Variants in LZTS1 observed in about 807,000 individuals in gnomAD.
LZTS1 encodes leucine zipper tumor suppressor 1, also known as leucine zipper putative tumor suppressor 1.
In LZTS1, 31 loss-of-function variants were observed where a neutral mutation model predicts 45.8. The ratio of observed to expected loss-of-function variants is 0.68; its 90% confidence interval spans 0.51 to 0.91. The LOEUF is 0.91. LZTS1 is among the 40% of genes least tolerant of loss of function. The pLI, the probability that LZTS1 is intolerant of heterozygous loss-of-function variation, is 0.00. For synonymous variants in LZTS1, 359 were observed against 357.3 expected, an observed-to-expected ratio of 1.00 and a Z score of -0.05; for missense variants, 821 against 788.9, an observed-to-expected ratio of 1.04 and a Z score of -0.49.
chr8:20,301,660 C>T (rs1013640005), intron 1 of LZTS1, among the ~76,000 whole-genome samples: 3 of 152,098 alleles, frequency 2.0e-5, no homozygotes, highest in African/African-American at 4.8e-5. Context: ...TATAGCTTTG[C>T]TATACACGCT....
At chr8:20,255,593 G>A (rs115253790) in intron 1 of LZTS1, among the ~76,000 whole-genome samples, 2,445 of 152,292 alleles carry the variant, frequency 0.016, 70 homozygotes, top group African/African-American at 0.056. Flanking sequence ...TTACAGTGGT[G>A]TGGAGAGGCC....
chr8:20,301,062 G>A (rs561955993), intron 1 of LZTS1, among the ~76,000 whole-genome samples: 22 of 151,106 alleles, frequency 1.5e-4, no homozygotes, highest in African/African-American at 5.1e-4. Flanking sequence ...TGGAGGTTGC[G>A]GTGAGCCAAG....
chr8:20,299,897 CGT>C (rs1403210224), intron 1 of LZTS1, among the ~76,000 whole-genome samples: 2 of 152,216 alleles, frequency 1.3e-5, no homozygotes, highest in African/African-American at 4.8e-5. Flanking sequence ...AGATTCCCCA[CGT>C]AGTTGGATAC....
chr8:20,277,055 T>A (rs117082051), intron 1 of LZTS1, among the ~76,000 whole-genome samples: 4,080 of 152,254 alleles, frequency 0.027, 70 homozygotes, highest in Non-Finnish European at 0.043. Flanking sequence ...AGTCACAGGA[T>A]GAGACAGGAA....
chr8:20,282,473 A>G (rs922367896), intron 1 of LZTS1, among the ~76,000 whole-genome samples: 5 of 152,262 alleles, frequency 3.3e-5, no homozygotes, highest in Admixed American at 3.3e-4. Flanking sequence ...CCAAAAAAGC[A>G]TAGGCTCTAA....
chr8:20,280,303 C>T (rs1800662393), intron 1 of LZTS1, among the ~76,000 whole-genome samples: 3 of 152,190 alleles, frequency 2.0e-5, no homozygotes, highest in Admixed American at 6.5e-5. Flanking sequence ...TGGCTCTTCC[C>T]GCAGCCTGGC....
rs1800002969 is a variant in LZTS1, at chr8:20,253,448, C to G, written c.483G>C (p.Glu161Asp). 6.2e-7 allele frequency: 1 copy of G among 1,611,192 alleles called. No homozygotes were observed. Among genetic ancestry groups the G allele is most frequent in the African/African-American group, 1.3e-5 (1 of 74,928 alleles). ...CCCCAGAGCACAGGCCAGGCTTCAG[C>G]TCCTGCTCCTTGGGCTTGTCTGGAG... is the stretch of plus-strand genomic sequence containing the variant. The part of the protein sequence containing the change: ...PAPPDKPKEQ[E>D]LKPGLCSGAL... The change falls in exon 3 of 4, where the codon GAG becomes GAC. Residue 161 changes from glutamate (E) to aspartate (D), a missense_variant. Glu to Asp is a conservative substitution (Grantham distance 45). Transcript: ENST00000381569.
chr8:20,303,786 G>T lies in LZTS1; in HGVS notation c.-181C>A, dbSNP rs1259651767. 259 of 984,586 alleles carry T rather than the reference G, an allele frequency of 2.6e-4. No homozygotes were observed. The highest frequency in any genetic ancestry group is 3.0e-4 in the Non-Finnish European group (249 of 829,872). The allele number at this position is 984,586 out of a possible 1,614,324, so 61.0% of individuals were successfully genotyped here. A position where few individuals can be genotyped will look rare whatever the true frequency, so the allele number is the denominator to read the frequency against. On this transcript the variant is annotated 5_prime_UTR_variant, in exon 1 of 4. It adds an upstream start codon to the 5' untranslated region. Coordinates refer to ENST00000381569, the MANE Select transcript of LZTS1 (RefSeq NM_021020.5). ...CACTTGAGACTTTTTTTTTTTCCCAGTGTTTCCCGGTGTGTTCCCGTCTCT... is the reference window on the plus strand; with the variant it reads ...CACTTGAGACTTTTTTTTTTTCCCATTGTTTCCCGGTGTGTTCCCGTCTCT...
chr8:20,256,010 G>A (rs1167342417), intron 1 of LZTS1, among the ~76,000 whole-genome samples: 1 of 140,978 alleles, frequency 7.1e-6, no homozygotes, highest in Non-Finnish European at 1.5e-5. Flanking sequence ...CGGGGATCAA[G>A]GCTGCAGTGA....
chr8:20,276,740 G>C lies in LZTS1; in HGVS notation c.-134-21425C>G, dbSNP rs147836964. Among the ~76,000 whole-genome samples the C allele has an allele frequency of 4.6e-3, 704 of 152,330 alleles. 7 individuals are homozygous for C. The highest frequency in any genetic ancestry group is 0.016 in the African/African-American group (672 of 41,562). ...AACAACCTGGTGAATTAATCTCCAG[G>C]TAGGTAGTGCCATAAATGAACTGAA... On this transcript the variant is annotated intron_variant, in intron 1 of 3. Transcript: ENST00000381569.
rs146193718 is a variant in LZTS1 at position 20,252,806 on chromosome 8, G to A, written c.1125C>T (p.Pro375=). The A allele has an allele frequency of 9.6e-5, 147 of 1,530,194 alleles. 1 individual carries two copies. The highest frequency in any genetic ancestry group is 8.2e-4 in the African/African-American group (59 of 72,112). The allele number at this position is 1,530,194 out of a possible 1,614,324, so 94.8% of individuals were successfully genotyped here. Residue 375 remains proline, a synonymous_variant, in exon 3 of 4, where the codon CCC becomes CCT. Transcript: ENST00000381569. The part of the protein sequence containing the change: ...SYEREKTSFG[P]ALEETQWEVC... ...CCTCCCACTGGGTCTCCTCCAGCGC[G>A]GGGCCGAAGCTGGTCTTCTCCCTCT... is the stretch of plus-strand genomic sequence containing the variant.
At chr8:20,287,524 C>T (rs1338461661) in intron 1 of LZTS1, among the ~76,000 whole-genome samples, 1 of 152,236 alleles carries the variant, frequency 6.6e-6, no homozygotes, top group Non-Finnish European at 1.5e-5. Flanking sequence ...GCTGTTGACC[C>T]TGCCTTGCTC....
At chr8:20,256,908 A>G (rs62499969) in intron 1 of LZTS1, among the ~76,000 whole-genome samples, 2 of 152,312 alleles carry the variant, frequency 1.3e-5, no homozygotes, top group East Asian at 1.9e-4. Context: ...GAAAGACAAG[A>G]GAGGCCTGAG....
chr8:20,273,113 T>A (rs1359001593), intron 1 of LZTS1, among the ~76,000 whole-genome samples: 1 of 152,172 alleles, frequency 6.6e-6, no homozygotes, highest in East Asian at 1.9e-4. Flanking sequence ...CTAAATCCAA[T>A]GGACCTTCCC....
intron 1 of LZTS1, among the ~76,000 whole-genome samples, chr8:20,272,910 T>C (rs1283019729): frequency 6.6e-6 from 1 of 152,190 alleles, no homozygotes; most frequent in African/African-American, 2.4e-5. Context: ...AAAAATAACA[T>C]ACAAGCTCCT....
intron 1 of LZTS1, among the ~76,000 whole-genome samples, chr8:20,259,984 C>T (rs1462052275): frequency 6.6e-6 from 1 of 152,148 alleles, no homozygotes; most frequent in Non-Finnish European, 1.5e-5. Context: ...TCACTGCAGC[C>T]TCCAGCTGCT....
In LZTS1 at chr8:20,297,098, A is replaced by C. The variant is rs556288582; in HGVS notation, c.-135+6642T>G. Among the ~76,000 whole-genome samples, 289 of 152,250 alleles carry C rather than the reference A, an allele frequency of 1.9e-3. 3 individuals carry two copies. Among genetic ancestry groups the C allele is most frequent in the South Asian group, 3.3e-3 (16 of 4,830 alleles). Reference sequence around the variant, plus strand: ...AGCCTCCATGTGTGATTGCCCCTGAAGTCTGGTTTCCACAAATTGCTTGAG... The same window carrying C: ...AGCCTCCATGTGTGATTGCCCCTGACGTCTGGTTTCCACAAATTGCTTGAG... On this transcript the variant is annotated intron_variant, in intron 1 of 3. Coordinates refer to ENST00000381569, the MANE Select transcript of LZTS1 (RefSeq NM_021020.5).
intron 1 of LZTS1, among the ~76,000 whole-genome samples, chr8:20,285,218 A>AT (rs1800772373): frequency 6.6e-6 from 1 of 152,132 alleles, no homozygotes; most frequent in Admixed American, 6.5e-5. Context: ...CCTTTTACTC[A>AT]TCATGAAAAT....
intron 3 of LZTS1, 88 bp from the exon 4 acceptor site, chr8:20,250,451 C>A: frequency 7.4e-7 from 1 of 1,359,098 alleles, no homozygotes; most frequent in South Asian, 1.4e-5. Context: ...AATAACCAAG[C>A]CACTCCGGAT....
Sources: gnomAD v4.1 joint callset for allele counts (sites outside exome capture counted in the v4.1 genomes callset) on GRCh38, gnomAD v4.1.1 for gene constraint, MANE v1.5 for transcripts, NCBI Gene and HGNC (gene_info 2026-07-23, HGNC 2026-07-21) for gene names.